PIK3C2B: variants seen among roughly 807,000 people sequenced by gnomAD.
PIK3C2B encodes phosphatidylinositol-4-phosphate 3-kinase catalytic subunit type 2 beta.
In PIK3C2B, 83 loss-of-function variants were observed where a neutral mutation model predicts 184.3. The ratio of observed to expected loss-of-function variants is 0.45; its 90% confidence interval spans 0.38 to 0.54. PIK3C2B has a LOEUF of 0.54. PIK3C2B is among the 20% of genes least tolerant of loss of function. The pLI, the probability that PIK3C2B is intolerant of heterozygous loss-of-function variation, is 0.00. For missense variants in PIK3C2B, 1,736 were observed against 2,113.5 expected, an observed-to-expected ratio of 0.82 and a Z score of 3.50; for synonymous variants, 779 against 837.6, an observed-to-expected ratio of 0.93 and a Z score of 1.21.
intron 1 of PIK3C2B, among the ~76,000 whole-genome samples, chr1:204,484,724 A>T (rs1279490231): frequency 6.6e-6 from 1 of 150,794 alleles, no homozygotes; most frequent in African/African-American, 2.4e-5. Context: ...ACAAAGCGAG[A>T]CTCCGTCTCA....
At chr1:204,453,913 A>G (rs1654589949) in intron 12 of PIK3C2B, among the ~76,000 whole-genome samples, 1 of 151,694 alleles carries the variant, frequency 6.6e-6, no homozygotes, top group Non-Finnish European at 1.5e-5. Flanking sequence ...AGCTGGGATT[A>G]CAGGCATGCG....
At chr1:204,474,682 C>T (rs1435954964) in intron 1 of PIK3C2B, among the ~76,000 whole-genome samples, 1 of 150,648 alleles carries the variant, frequency 6.6e-6, no homozygotes, top group South Asian at 2.1e-4. Context: ...GTTAACTCTA[C>T]CCCCTCTGCT....
At chr1:204,428,831 G>A in intron 29 of PIK3C2B, 1 of 409,562 alleles carries the variant, frequency 2.4e-6, no homozygotes, top group Non-Finnish European at 4.8e-6. Context: ...AGCAAATATA[G>A]CAAAATGTTA....
At chr1:204,432,902 A>G (rs1364254004) in intron 26 of PIK3C2B, among the ~76,000 whole-genome samples, 1 of 152,234 alleles carries the variant, frequency 6.6e-6, no homozygotes, top group Admixed American at 6.5e-5. Flanking sequence ...TTTCACACAC[A>G]GTGTACCTAA....
At chr1:204,459,740 G>C (rs1447693282) in intron 8 of PIK3C2B, 138 bp downstream of exon 8, 1 of 721,210 alleles carries the variant, frequency 1.4e-6, no homozygotes, top group Non-Finnish European at 2.5e-6. Flanking sequence ...TGAGCGAGGG[G>C]TTAAAAAGAA....
chr1:204,479,824 G>C (rs1656991781), intron 1 of PIK3C2B, among the ~76,000 whole-genome samples: 1 of 152,242 alleles, frequency 6.6e-6, no homozygotes, highest in African/African-American at 2.4e-5. Flanking sequence ...TGTGGGTGGG[G>C]AAAACTCCCT....
chr1:204,476,487 A>G (rs1450515470), intron 1 of PIK3C2B, among the ~76,000 whole-genome samples: 1 of 152,230 alleles, frequency 6.6e-6, no homozygotes, highest in East Asian at 1.9e-4. Flanking sequence ...TTGAGGCTAC[A>G]GTGAGCCGTG....
rs1215283760 is a variant in PIK3C2B, at chr1:204,449,902, G to A, written c.2182C>T (p.Arg728Trp). The change falls in exon 13 of 33, where the codon CGG (arginine) becomes TGG (tryptophan). Residue 728 changes from arginine (R) to tryptophan (W), a missense_variant. Arg to Trp is a moderately radical substitution (Grantham distance 101). Around this residue, in one of 8 missense-constraint regions of PIK3C2B, gnomAD observed 609 missense variants for 699.2 expected, o/e 0.87. Coordinates refer to ENST00000684373, the MANE Select transcript of PIK3C2B (RefSeq NM_001377334.1). Reference protein sequence around the residue: ...GSSSEANKQRRVPEALGWVTT... With the variant: ...GSSSEANKQRWVPEALGWVTT... ...ACCCAGCCCAGGGCTTCAGGCACCC[G>A]CCGCTGCTTATTGGCCTCTGAGGAG... The A allele has an allele frequency of 6.2e-7, 1 of 1,613,862 alleles. No homozygotes were observed. Among genetic ancestry groups the A allele is most frequent in the Non-Finnish European group, 8.5e-7 (1 of 1,179,880 alleles).
At chr1:204,440,062 A>T in intron 22 of PIK3C2B, 130 bp downstream of exon 22, 1 of 961,736 alleles carries the variant, frequency 1.0e-6, no homozygotes, top group Non-Finnish European at 1.5e-6. Context: ...AGGCTATCCC[A>T]CAGCTTCTCA....
rs956556334 is a variant in PIK3C2B, at chr1:204,431,493, G to A, written c.4280+176C>T. 10 of 699,004 alleles carry A rather than the reference G, an allele frequency of 1.4e-5. No homozygotes were observed. In the African/African-American group the frequency reaches 1.6e-4, roughly 11 times the overall value. The allele number at this position is 699,004 out of a possible 1,614,324, so 43.3% of individuals were successfully genotyped here. A position where few individuals can be genotyped will look rare whatever the true frequency, so the allele number is the denominator to read the frequency against. On this transcript the variant is annotated intron_variant, in intron 28 of 32. Coordinates refer to ENST00000684373, the MANE Select transcript of PIK3C2B (RefSeq NM_001377334.1). Reference sequence around the variant, plus strand: ...GAGTGAGAGCTCTTGCGTGCAAGGAGAGCTTGGCCAGCAGGGGGAGCACTT... The same window carrying A: ...GAGTGAGAGCTCTTGCGTGCAAGGAAAGCTTGGCCAGCAGGGGGAGCACTT...
In PIK3C2B at chr1:204,423,034, T is replaced by C. The variant is rs1274627325; in HGVS notation, c.*1818A>G. 1 of 152,228 alleles carries C rather than the reference T, an allele frequency of 6.6e-6. No individual in the cohort carries two copies. The highest frequency in any genetic ancestry group is 2.4e-5 in the African/African-American group (1 of 41,460). 9.4% of individuals were successfully genotyped at this position (152,228 alleles called of 1,614,324 possible). A position where few individuals can be genotyped will look rare whatever the true frequency, so the allele number is the denominator to read the frequency against. On this transcript the variant is annotated 3_prime_UTR_variant, in exon 33 of 33. Transcript: ENST00000684373. ...ACAGAATGTCCTCATTTCACTCTTT[T>C]CCCAATCATGGGAAATATCCAGCCA...
intron 31 of PIK3C2B, among the ~76,000 whole-genome samples, chr1:204,426,435 G>T (rs1330143341): frequency 1.3e-5 from 2 of 152,168 alleles, no homozygotes; most frequent in Non-Finnish European, 2.9e-5. Flanking sequence ...TCTGCCCTCA[G>T]ATGCATAAAC....
At position 204,431,772 on chromosome 1, in the gene PIK3C2B, G is replaced by C; in HGVS notation, c.4177C>G (p.Arg1393Gly). 6.2e-7 allele frequency: 1 copy of C among 1,614,120 alleles called. No homozygotes were observed. Among genetic ancestry groups the C allele is most frequent in the Non-Finnish European group, 8.5e-7 (1 of 1,179,992 alleles). Residue 1393 changes from arginine (R) to glycine (G), a missense_variant, in exon 28 of 33, where the codon CGA (arginine) becomes GGA (glycine). Physicochemically the swap from Arg to Gly is moderately radical, Grantham distance 125. This residue lies in a region of PIK3C2B where 200 missense variants were observed against 199.1 expected (regional missense o/e 1.00). Transcript: ENST00000684373. The part of the protein sequence containing the change: ...KGYIYVVKVM[R>G]ENTHEATYIQ... ...TAGGTGGCCTCGTGAGTGTTCTCTC[G>C]CATCACCTTTACCACATATATCTGC...
chr1:204,478,150 G>A (rs1363753748), intron 1 of PIK3C2B, among the ~76,000 whole-genome samples: 3 of 152,174 alleles, frequency 2.0e-5, no homozygotes, highest in Non-Finnish European at 4.4e-5. Context: ...AGGACAGGCA[G>A]GGTCAGGGAG....
intron 20 of PIK3C2B, 69 bp downstream of exon 20, chr1:204,442,457 T>C (rs1335194929): frequency 2.0e-6 from 2 of 991,778 alleles, no homozygotes; most frequent in East Asian, 5.3e-5. Flanking sequence ...CTTGCATGCC[T>C]GGTTAGTGAA....
chr1:204,455,926 A>T lies in PIK3C2B; in HGVS notation c.1873T>A (p.Cys625Ser). 6.2e-7 allele frequency: 1 copy of T among 1,614,188 alleles called. No homozygotes were observed. Among genetic ancestry groups the T allele is most frequent in the Non-Finnish European group, 8.5e-7 (1 of 1,180,006 alleles). The change falls in exon 11 of 33, where the codon TGC becomes AGC. Residue 625 changes from cysteine (C) to serine (S), a missense_variant. By Grantham distance (112) the Cys-to-Ser change is moderately radical. Around this residue, in one of 8 missense-constraint regions of PIK3C2B, gnomAD observed 609 missense variants for 699.2 expected, o/e 0.87. Transcript: ENST00000684373. ...SRKHDLVQEA[C>S]HFARSLAFTV... is the part of the protein sequence containing the mutation. ...AAGGCCAGGGACCTGGCGAAATGGC[A>T]GGCCTCCTGGACCAGGTCATGCTTG...
chr1:204,461,853 C>T (rs1175274777), intron 5 of PIK3C2B, among the ~76,000 whole-genome samples: 1 of 152,096 alleles, frequency 6.6e-6, no homozygotes, highest in East Asian at 1.9e-4. Flanking sequence ...TGAGAGCAGC[C>T]TGCATCCTGA....
intron 14 of PIK3C2B, among the ~76,000 whole-genome samples, chr1:204,448,970 A>G (rs1416575053): frequency 6.6e-6 from 1 of 152,144 alleles, no homozygotes; most frequent in East Asian, 1.9e-4. Flanking sequence ...CACGAAATCA[A>G]TTTAACCTCC....
chr1:204,464,096 A>T lies in PIK3C2B; in HGVS notation c.1226T>A (p.Leu409Gln). The part of the protein sequence containing the change: ...STVDLLIYQT[L>Q]CYTHDDLRNV... ...CCTCAGGTCATCATGGGTGTAGCAC[A>T]GGGTCTGGTAGATAAGCAAGTCTAC... Residue 409 changes from leucine to glutamine, a missense_variant, in exon 5 of 33, where the codon CTG (leucine) becomes CAG (glutamine). Leu to Gln is a moderately radical substitution (Grantham distance 113, BLOSUM62 -2). Around this residue, in one of 8 missense-constraint regions of PIK3C2B, gnomAD observed 609 missense variants for 699.2 expected, o/e 0.87. Transcript: ENST00000684373. The T allele has an allele frequency of 6.2e-7, 1 of 1,614,156 alleles. No individual in the cohort carries two copies. Among genetic ancestry groups the T allele is most frequent in the Non-Finnish European group, 8.5e-7 (1 of 1,179,986 alleles).
Sources: allele counts gnomAD v4.1 joint callset (sites outside exome capture counted in the v4.1 genomes callset), GRCh38; gene constraint gnomAD v4.1.1; regional missense constraint gnomAD v4.1.1; transcripts MANE v1.5; gene names NCBI Gene and HGNC (gene_info 2026-07-23, HGNC 2026-07-21).